The following SORCS3 variants were observed in gnomAD, a reference collection of about 807,000 sequenced individuals.
SORCS3 encodes VPS10 domain-containing receptor SorCS3.
SORCS3 carries 57 observed loss-of-function variants against 146.3 expected under a neutral mutation model. The ratio of observed to expected loss-of-function variants is 0.39; its 90% confidence interval spans 0.31 to 0.49. SORCS3 has a LOEUF of 0.49. Among genes scored for constraint, SORCS3 ranks in the 20% least tolerant of loss-of-function variants. The pLI, the probability that SORCS3 is intolerant of heterozygous loss-of-function variation, is 0.92. For missense variants in SORCS3, 1,341 were observed against 1,575.5 expected (o/e 0.85, Z 2.52); for synonymous variants, 653 against 618.5 (o/e 1.06, Z -0.83).
At chr10:105,170,252 T>C (rs1182957773) in intron 13 of SORCS3, among the ~76,000 whole-genome samples, 1 of 152,130 alleles carries the variant, frequency 6.6e-6, no homozygotes, top group Non-Finnish European at 1.5e-5. Context: ...TGTCTGATTA[T>C]GCCTGGAAGG....
Position 104,641,516 on chromosome 10 carries a change from A to G in SORCS3, c.189A>G (p.Ala63=). 1 of 1,472,070 alleles carries G rather than the reference A, an allele frequency of 6.8e-7. No individual in the cohort carries two copies. The highest frequency in any genetic ancestry group is 8.9e-7 in the Non-Finnish European group (1 of 1,120,518). 91.2% of individuals were successfully genotyped at this position (1,472,070 alleles called of 1,614,324 possible). A position where few individuals can be genotyped will look rare whatever the true frequency, so the allele number is the denominator to read the frequency against. The change falls in exon 1 of 27, where the codon GCA becomes GCG. Residue 63 remains alanine (A), a synonymous_variant. Coordinates refer to ENST00000369701, the MANE Select transcript of SORCS3 (RefSeq NM_014978.3). The surrounding 1 kb of genome is among the most constrained non-coding windows in gnomAD (Gnocchi z 6.4). The part of the protein sequence containing the change: ...PPALSPLSPR[A]VASQWPEELA... ...CGTTGTCTCCACTCTCGCCGCGGGC[A>G]GTGGCCAGCCAGTGGCCGGAGGAGC...
chr10:104,807,138 GA>G, intron 1 of SORCS3, among the ~76,000 whole-genome samples: 1 of 123,048 alleles, frequency 8.1e-6, no homozygotes, highest in Admixed American at 7.7e-5. Flanking sequence ...TTGCTTTTAA[GA>G]AATGGTCTGC....
At chr10:104,938,845 A>C (rs1396847884) in intron 3 of SORCS3, among the ~76,000 whole-genome samples, 1 of 152,102 alleles carries the variant, frequency 6.6e-6, no homozygotes, top group Non-Finnish European at 1.5e-5. Context: ...GCCGTGATGC[A>C]GGTGTTGAAG....
Position 105,218,742 on chromosome 10 carries a change from C to T in SORCS3, c.2734+1620C>T, listed in dbSNP as rs912788052. Among the ~76,000 whole-genome samples the T allele has an allele frequency of 3.9e-5, 6 of 152,194 alleles. No homozygotes were observed. In the South Asian group the frequency reaches 6.2e-4, roughly 16 times the overall value. On this transcript the variant is annotated intron_variant, in intron 19 of 26. Coordinates refer to ENST00000369701, the MANE Select transcript of SORCS3 (RefSeq NM_014978.3). ...TTTCTTATCTTCATTGCTGGCTGGG[C>T]GCGGTGGCTCACGCCTGTAATCCCA...
chr10:105,219,519 C>A (rs2056686184), intron 19 of SORCS3, among the ~76,000 whole-genome samples: 1 of 152,152 alleles, frequency 6.6e-6, no homozygotes, highest in Non-Finnish European at 1.5e-5. Context: ...CCACTCTTAT[C>A]AGTTAACGGT....
At chr10:104,832,146 T>G (rs1341773649) in intron 1 of SORCS3, among the ~76,000 whole-genome samples, 1 of 152,182 alleles carries the variant, frequency 6.6e-6, no homozygotes, top group Non-Finnish European at 1.5e-5. Flanking sequence ...AGAATCTTAG[T>G]CCTTAATAGT....
chr10:104,851,823 T>A (rs1190008127), intron 2 of SORCS3, among the ~76,000 whole-genome samples: 1 of 152,220 alleles, frequency 6.6e-6, no homozygotes, highest in East Asian at 1.9e-4. Flanking sequence ...TGGTGGCCAA[T>A]TACTTTATTG....
chr10:105,123,791 A>C (rs746707486), intron 7 of SORCS3, among the ~76,000 whole-genome samples: 3 of 152,172 alleles, frequency 2.0e-5, no homozygotes, highest in Non-Finnish European at 4.4e-5. Flanking sequence ...TCAGTCTCCC[A>C]ACAAATATTT....
At chr10:105,081,045 G>C (rs1226402511) in intron 5 of SORCS3, among the ~76,000 whole-genome samples, 1 of 152,066 alleles carries the variant, frequency 6.6e-6, no homozygotes, top group East Asian at 1.9e-4. Context: ...TCATTCTACA[G>C]CATATACATA....
intron 20 of SORCS3, among the ~76,000 whole-genome samples, chr10:105,239,210 A>G (rs935184866): frequency 2.0e-5 from 3 of 152,192 alleles, no homozygotes; most frequent in African/African-American, 7.2e-5. Context: ...TAAACGTGGT[A>G]GATCCACAAT....
At chr10:104,781,371 G>A (rs1318305941) in intron 1 of SORCS3, among the ~76,000 whole-genome samples, 1 of 152,224 alleles carries the variant, frequency 6.6e-6, no homozygotes, top group African/African-American at 2.4e-5. Flanking sequence ...TTTGTATGTG[G>A]TATGTGTGTC....
chr10:104,826,534 C>T (rs1437888456), intron 1 of SORCS3, among the ~76,000 whole-genome samples: 1 of 152,128 alleles, frequency 6.6e-6, no homozygotes, highest in Non-Finnish European at 1.5e-5. Context: ...TAAGTAGCAT[C>T]ATGTCTAAAA....
At chr10:104,754,774 T>G (rs1439671393) in intron 1 of SORCS3, among the ~76,000 whole-genome samples, 1 of 152,248 alleles carries the variant, frequency 6.6e-6, no homozygotes, top group East Asian at 1.9e-4. Flanking sequence ...GCTGGGGCCC[T>G]GCTAGGCTAC....
In SORCS3 at chr10:105,209,163, C is replaced by T. The variant is rs531699284; in HGVS notation, c.2262-1974C>T. On this transcript the variant is annotated intron_variant, in intron 16 of 26. Transcript: ENST00000369701. ...GGATAATTTTTTTTTTCTTTTGAGA[C>T]GGAGTTTCGCTCTTGTTGCCCAGGC... 4.1e-4 allele frequency among the ~76,000 whole-genome samples: 62 copies of T among 151,928 alleles called. 1 individual carries two copies. The highest frequency in any genetic ancestry group is 7.7e-4 in the African/African-American group (32 of 41,440).
chr10:105,212,409 G>A (rs965461950), intron 17 of SORCS3, among the ~76,000 whole-genome samples: 1 of 152,180 alleles, frequency 6.6e-6, no homozygotes, highest in African/African-American at 2.4e-5. Context: ...GGAAGTTTGA[G>A]GAAAGGGAGT....
intron 7 of SORCS3, among the ~76,000 whole-genome samples, chr10:105,119,047 A>C (rs1289035414): frequency 6.6e-6 from 1 of 152,182 alleles, no homozygotes. Flanking sequence ...CCCTCTCATC[A>C]CAGTCCCGAG....
intron 3 of SORCS3, among the ~76,000 whole-genome samples, chr10:104,953,921 C>T (rs560206341): frequency 6.6e-6 from 1 of 152,270 alleles, no homozygotes; most frequent in South Asian, 2.1e-4. Flanking sequence ...ACATAGGACC[C>T]AGTGGGGACT....
At chr10:104,883,954 A>G (rs2018655122) in intron 2 of SORCS3, among the ~76,000 whole-genome samples, 1 of 140,518 alleles carries the variant, frequency 7.1e-6, no homozygotes, top group South Asian at 2.3e-4. Flanking sequence ...ACTTACCTAC[A>G]TCCACTGTTC....
intron 1 of SORCS3, among the ~76,000 whole-genome samples, chr10:104,720,635 C>G (rs1278905821): frequency 6.6e-6 from 1 of 152,192 alleles, no homozygotes; most frequent in Non-Finnish European, 1.5e-5. Context: ...TCTCCAGCAC[C>G]TGTTGTTTCC....
Sources: gnomAD v4.1 joint callset for allele counts (sites outside exome capture counted in the v4.1 genomes callset) on GRCh38, gnomAD v4.1.1 for gene constraint, Gnocchi (gnomAD v3.1) non-coding constraint, MANE v1.5 for transcripts, NCBI Gene and HGNC (gene_info 2026-07-23, HGNC 2026-07-21) for gene names.